Variants in GPC3 observed in about 807,000 individuals in gnomAD.
The protein encoded by GPC3 is glypican-3.
Under a neutral mutation model 34.4 loss-of-function variants are expected in GPC3, and 3 were observed. The observed-to-expected ratio is 0.09, with a 90% CI of 0.04 to 0.23. GPC3 has a LOEUF of 0.23. Among genes scored for constraint, GPC3 ranks in the 10% least tolerant of loss-of-function variants. The probability of loss-of-function intolerance (pLI) is 1.00; values close to 1 mark genes in which losing one functional copy is unlikely to be tolerated. For missense variants in GPC3, 351 were observed against 445.6 expected, an observed-to-expected ratio of 0.79 and a Z score of 1.91; for synonymous variants, 177 against 174.0, an observed-to-expected ratio of 1.02 and a Z score of -0.13.
At chrX:133,775,464 G>C (rs2071969535) in intron 2 of GPC3, among the ~76,000 whole-genome samples, 1 of 111,893 alleles carries the variant, frequency 8.9e-6, no homozygotes, top group Admixed American at 9.5e-5. Flanking sequence ...AAGATATGTT[G>C]AGATTGATAT....
At chrX:133,563,291 G>T (rs750984441) in intron 7 of GPC3, among the ~76,000 whole-genome samples, 4 of 111,226 alleles carry the variant, frequency 3.6e-5, no homozygotes, top group Non-Finnish European at 7.5e-5. Flanking sequence ...GTGTAGTGGC[G>T]TTGATCATGG....
intron 2 of GPC3, among the ~76,000 whole-genome samples, chrX:133,782,064 CA>C (rs1169955225): frequency 9.0e-6 from 1 of 111,464 alleles, no homozygotes; most frequent in African/African-American, 3.3e-5. Context: ...AGCCCATTCC[CA>C]AACTAGCAAT....
At chrX:133,627,152 T>C (rs1389283443) in intron 6 of GPC3, among the ~76,000 whole-genome samples, 7 of 72,587 alleles carry the variant, frequency 9.6e-5, no homozygotes, top group Non-Finnish European at 1.7e-4. Context: ...CATCACACAC[T>C]GAGGCCTGTC....
At chrX:133,952,720 G>A (rs1475105640) in intron 2 of GPC3, among the ~76,000 whole-genome samples, 4 of 112,279 alleles carry the variant, frequency 3.6e-5, no homozygotes, top group Non-Finnish European at 7.5e-5. Context: ...GAGAAAACTG[G>A]GCTCAGTATT....
chrX:133,919,053 T>C (rs2076236482), intron 2 of GPC3, among the ~76,000 whole-genome samples: 2 of 111,712 alleles, frequency 1.8e-5, no homozygotes. Flanking sequence ...GCAAGGTCCC[T>C]GAATTCAAAT....
At chrX:133,730,836 T>C (rs1202084055) in intron 3 of GPC3, among the ~76,000 whole-genome samples, 1 of 111,620 alleles carries the variant, frequency 9.0e-6, no homozygotes, top group African/African-American at 3.3e-5. Context: ...AATACTGGTG[T>C]TATTGCCAGA....
intron 5 of GPC3, among the ~76,000 whole-genome samples, chrX:133,689,834 C>T (rs769458007): frequency 5.5e-4 from 62 of 111,755 alleles, no homozygotes; most frequent in Admixed American, 2.3e-3. Flanking sequence ...GTTCATTTTT[C>T]GCTAAAGTAA....
chrX:133,884,049 T>C (rs1381206535), intron 2 of GPC3, among the ~76,000 whole-genome samples: 1 of 111,690 alleles, frequency 9.0e-6, no homozygotes, highest in African/African-American at 3.3e-5. Context: ...ATAATGGTTA[T>C]GATGGCTCAT....
At chrX:133,946,313 G>A (rs1461468251) in intron 2 of GPC3, among the ~76,000 whole-genome samples, 1 of 111,776 alleles carries the variant, frequency 8.9e-6, no homozygotes, top group Non-Finnish European at 1.9e-5. Context: ...TCTTGTCTCT[G>A]CCATCTATTG....
intron 6 of GPC3, among the ~76,000 whole-genome samples, chrX:133,627,280 C>T (rs931115318): frequency 5.5e-5 from 6 of 109,390 alleles, no homozygotes; most frequent in Non-Finnish European, 9.5e-5. Context: ...AACCTGCACG[C>T]TGTGCACATG....
intron 6 of GPC3, among the ~76,000 whole-genome samples, chrX:133,599,821 C>A (rs2069960506): frequency 8.9e-6 from 1 of 112,008 alleles, no homozygotes; most frequent in Non-Finnish European, 1.9e-5. Flanking sequence ...TTCTCAAGCA[C>A]ACCTTGCATC....
intron 1 of GPC3, among the ~76,000 whole-genome samples, chrX:133,958,709 GAA>G (rs1196601371): frequency 5.6e-4 from 32 of 56,693 alleles, no homozygotes; most frequent in African/African-American, 2.0e-3. Flanking sequence ...CATCTCTACT[GAA>G]AAAAAAAAAA....
intron 6 of GPC3, among the ~76,000 whole-genome samples, chrX:133,629,780 C>T (rs1000268457): frequency 4.5e-5 from 5 of 109,947 alleles, no homozygotes; most frequent in Non-Finnish European, 9.5e-5. Context: ...GTTGGCCGGG[C>T]GCAGTGGCTC....
chrX:133,954,077 A>G (rs1331528939), intron 1 of GPC3, among the ~76,000 whole-genome samples: 1 of 112,218 alleles, frequency 8.9e-6, no homozygotes, highest in African/African-American at 3.2e-5. Context: ...AAAGAAGCAC[A>G]TACTCTATGG....
At chrX:133,788,120 ATATG>A (rs1556306741) in intron 2 of GPC3, among the ~76,000 whole-genome samples, 190 of 81,733 alleles carry the variant, frequency 2.3e-3, no homozygotes, top group African/African-American at 9.3e-3. Flanking sequence ...ATATATATAT[ATATG>A]TATGTATATA....
chrX:133,594,500 G>C (rs7884831), intron 7 of GPC3, among the ~76,000 whole-genome samples: 3 of 111,311 alleles, frequency 2.7e-5, no homozygotes, highest in Admixed American at 9.5e-5. Flanking sequence ...GGATAAAAAA[G>C]TGTGGTACAT....
Position 133,693,156 on chromosome X carries a change from AGTGTGTGTGTGTGT to A in GPC3, c.1167-676_1167-663del, listed in dbSNP as rs57735935. On this transcript the variant is annotated intron_variant, in intron 4 of 7. Transcript: ENST00000370818. ...TTTTTGTGCTACATATAATAAGACA[AGTGTGTGTGTGTGT>A]GTGTGTGTGTGTGTGTGTGTGTGTG... Among the ~76,000 whole-genome samples, 501 of 89,395 alleles carry A rather than the reference AGTGTGTGTGTGTGT, an allele frequency of 5.6e-3. 4 individuals carry two copies. Among genetic ancestry groups the A allele is most frequent in the African/African-American group, 0.019 (467 of 24,739 alleles). 77.6% of individuals were successfully genotyped at this position (89,395 alleles called of 115,157 possible).
chrX:133,711,324 T>C (rs1184547567), intron 3 of GPC3, among the ~76,000 whole-genome samples: 1 of 112,141 alleles, frequency 8.9e-6, no homozygotes, highest in African/African-American at 3.2e-5. Context: ...GGGTGAAGTC[T>C]GAGATGATTA....
intron 2 of GPC3, among the ~76,000 whole-genome samples, chrX:133,830,695 A>C (rs956044540): frequency 4.8e-5 from 5 of 104,458 alleles, no homozygotes; most frequent in African/African-American, 1.5e-4. Context: ...AAAAAAAAAA[A>C]AAAAAAAAAA....
Sources: allele counts gnomAD v4.1 joint callset (sites outside exome capture counted in the v4.1 genomes callset), GRCh38; gene constraint gnomAD v4.1.1; transcripts MANE v1.5; gene names NCBI Gene and HGNC (gene_info 2026-07-23, HGNC 2026-07-21).